RBL2: variants seen among roughly 807,000 people sequenced by gnomAD.
RBL2 encodes the protein retinoblastoma-like protein 2.
A neutral mutation model predicts 126.0 loss-of-function variants in RBL2; 56 were observed. The ratio of observed to expected loss-of-function variants is 0.44; its 90% CI spans 0.36 to 0.56. The LOEUF (loss-of-function observed/expected upper bound fraction) is 0.56, where lower values mean the gene tolerates loss of function less well. RBL2 is among the 20% of genes least tolerant of loss of function. RBL2 has a pLI of 0.00. For synonymous variants in RBL2, 454 were observed against 478.5 expected (o/e 0.95, Z 0.67); for missense variants, 1,229 against 1,398.2 (o/e 0.88, Z 1.93).
chr16:53,487,238 C>G (rs1479041038), intron 21 of RBL2, among the ~76,000 whole-genome samples: 1 of 152,102 alleles, frequency 6.6e-6, no homozygotes, highest in Non-Finnish European at 1.5e-5. Flanking sequence ...ACTCGAATAG[C>G]TAAAATAATT....
intron 4 of RBL2, among the ~76,000 whole-genome samples, chr16:53,451,340 T>TA (rs1567730468): frequency 6.6e-6 from 1 of 152,058 alleles, no homozygotes; most frequent in East Asian, 1.9e-4. Context: ...ACTCCATCTC[T>TA]AAAAAAAGTT....
At chr16:53,456,613 G>A (rs2058169859) in intron 8 of RBL2, among the ~76,000 whole-genome samples, 1 of 152,186 alleles carries the variant, frequency 6.6e-6, no homozygotes, top group Non-Finnish European at 1.5e-5. Context: ...TCTGGCCCTG[G>A]CTCTCTCTGA....
At chr16:53,454,196 T>G (rs1350568118) in intron 7 of RBL2, 2 of 453,114 alleles carry the variant, frequency 4.4e-6, no homozygotes, top group African/African-American at 4.0e-5. Context: ...TGTGATACTA[T>G]CCAGTTTTTG....
intron 4 of RBL2, 84 bp from the exon 5 acceptor site, chr16:53,451,619 T>C: frequency 6.9e-7 from 1 of 1,454,854 alleles, no homozygotes; most frequent in African/African-American, 1.4e-5. Context: ...TTTTGTAATG[T>C]CATAATAAGT....
intron 21 of RBL2, among the ~76,000 whole-genome samples, chr16:53,486,662 TATC>T (rs1371778133): frequency 2.0e-5 from 3 of 152,222 alleles, no homozygotes; most frequent in Non-Finnish European, 4.4e-5. Flanking sequence ...CATCTACAGA[TATC>T]ATACTTAATG....
Position 53,464,359 on chromosome 16 carries a change from A to G in RBL2, c.1694A>G (p.Tyr565Cys). Residue 565 changes from tyrosine to cysteine, a missense_variant, in exon 12 of 22, where the codon TAT becomes TGT. By Grantham distance (194) the Tyr-to-Cys change is radical. This residue lies in a region of RBL2 where 1,070 missense variants were observed against 1,274.3 expected (regional missense o/e 0.84). Coordinates refer to ENST00000262133, the MANE Select transcript of RBL2 (RefSeq NM_005611.4). Reference sequence around the variant, plus strand: ...TTTGATGTGCCTCTTTATCATTTTTATAAGGTATTTTTAAAAATATGATAC... The same window carrying G: ...TTTGATGTGCCTCTTTATCATTTTTGTAAGGTATTTTTAAAAATATGATAC... ...EIFDVPLYHF[Y>C]KVIEVFIRAE... The G allele has an allele frequency of 1.3e-6, 2 of 1,562,360 alleles. No homozygotes were observed. The highest frequency in any genetic ancestry group is 2.2e-5 in the East Asian group (1 of 44,472).
chr16:53,484,254 A>C (rs1961071400), intron 21 of RBL2, among the ~76,000 whole-genome samples: 1 of 152,238 alleles, frequency 6.6e-6, no homozygotes, highest in African/African-American at 2.4e-5. Context: ...ATGGAAAAAA[A>C]GAACAGAATA....
chr16:53,450,467 T>C (rs1171516204), intron 4 of RBL2, among the ~76,000 whole-genome samples: 4 of 152,298 alleles, frequency 2.6e-5, no homozygotes, highest in Non-Finnish European at 2.9e-5. Flanking sequence ...GATACAAGAA[T>C]GTAAAATCAC....
At chr16:53,461,569 A>G (rs1282738757) in intron 9 of RBL2, among the ~76,000 whole-genome samples, 172 bp from the exon 10 acceptor site, 2 of 151,962 alleles carry the variant, frequency 1.3e-5, no homozygotes. Context: ...CAAACTGGTA[A>G]TACCACCACC....
rs575590300 is a variant in RBL2 at position 53,482,896 on chromosome 16, G to C, written c.3249+1061G>C. Among the ~76,000 whole-genome samples, 21 of 152,100 alleles carry C rather than the reference G, an allele frequency of 1.4e-4. No individual in the cohort carries two copies. In the East Asian group the frequency reaches 2.7e-3, roughly 20 times the overall value. On this transcript the variant is annotated intron_variant, in intron 21 of 21. Coordinates refer to ENST00000262133, the MANE Select transcript of RBL2 (RefSeq NM_005611.4). ...TCAAAAAAAGGTCAGTATGGTAAGA[G>C]GACGGGGAAGGTATCATTGAGGAGA...
chr16:53,470,099 C>T lies in RBL2; in HGVS notation c.2159C>T (p.Thr720Ile). The T allele has an allele frequency of 1.2e-6, 2 of 1,614,168 alleles. No individual in the cohort carries two copies. Among genetic ancestry groups the T allele is most frequent in the Non-Finnish European group, 1.7e-6 (2 of 1,179,992 alleles). ...QNVSGETVSV[T>I]PVPGQTLVTM... ...GTATCTGGGGAGACTGTTTCTGTCACACCAGTTCCTGGACAGACTTTGGTC... is the reference window on the plus strand; with the variant it reads ...GTATCTGGGGAGACTGTTTCTGTCATACCAGTTCCTGGACAGACTTTGGTC... Residue 720 changes from threonine (T) to isoleucine (I), a missense_variant, in exon 15 of 22, where the codon ACA becomes ATA. Around this residue, in one of 2 missense-constraint regions of RBL2, gnomAD observed 1,070 missense variants for 1,274.3 expected, o/e 0.84. Coordinates refer to ENST00000262133, the MANE Select transcript of RBL2 (RefSeq NM_005611.4).
At chr16:53,437,377 T>C (rs2057968938) in intron 1 of RBL2, among the ~76,000 whole-genome samples, 1 of 150,122 alleles carries the variant, frequency 6.7e-6, no homozygotes, top group Non-Finnish European at 1.5e-5. Flanking sequence ...AGACAGTCTA[T>C]GTGTAAATGT....
intron 21 of RBL2, chr16:53,487,962 T>G (rs1172728322): frequency 6.6e-6 from 1 of 152,260 alleles, no homozygotes; most frequent in Non-Finnish European, 1.5e-5. Context: ...CAATTTTACA[T>G]ATTGCTGGTG....
At position 53,490,227 on chromosome 16, in the gene RBL2, G is replaced by C; in HGVS notation, c.3347G>C (p.Arg1116Thr). 1 of 1,612,774 alleles carries C rather than the reference G, an allele frequency of 6.2e-7. No homozygotes were observed. The highest frequency in any genetic ancestry group is 8.5e-7 in the Non-Finnish European group (1 of 1,179,194). The part of the protein sequence containing the change: ...LEDGSESPAK[R>T]ICPENHSALL... The stretch of plus-strand genomic sequence containing the variant: ...GATGGAAGTGAATCACCTGCAAAAA[G>C]AATTTGCCCAGAAAATCATTCTGCC... Residue 1116 changes from arginine (R) to threonine (T), a missense_variant, in exon 22 of 22, where the codon AGA becomes ACA. Arg to Thr is a moderately conservative substitution (Grantham distance 71). Coordinates refer to ENST00000262133, the MANE Select transcript of RBL2 (RefSeq NM_005611.4).
intron 7 of RBL2, chr16:53,454,312 C>A (rs747215992): frequency 2.1e-5 from 9 of 421,364 alleles, no homozygotes; most frequent in Non-Finnish European, 4.2e-5. Flanking sequence ...TCAAGCGATT[C>A]TTCTGCCTCA....
intron 8 of RBL2, 73 bp from the exon 9 acceptor site, chr16:53,459,377 TA>T (rs2058197600): frequency 7.8e-7 from 1 of 1,277,324 alleles, no homozygotes; most frequent in African/African-American, 1.5e-5. Flanking sequence ...TGAAGTGAAT[TA>T]AAGTCTTTCT....
chr16:53,453,979 C>T (rs1205417681), intron 7 of RBL2, among the ~76,000 whole-genome samples: 1 of 152,104 alleles, frequency 6.6e-6, no homozygotes, highest in African/African-American at 2.4e-5. Flanking sequence ...CTTTAAGCTT[C>T]TGGATTATAA....
At chr16:53,436,594 C>A (rs1430161384) in intron 1 of RBL2, among the ~76,000 whole-genome samples, 2 of 152,164 alleles carry the variant, frequency 1.3e-5, no homozygotes, top group African/African-American at 2.4e-5. Flanking sequence ...GGATGTCATT[C>A]TCATGGGAGT....
intron 5 of RBL2, 133 bp from the exon 6 acceptor site, chr16:53,453,319 C>A: frequency 2.9e-6 from 2 of 683,504 alleles, no homozygotes. Context: ...TGAAATAGGC[C>A]CATATATACT....
Sources: allele counts gnomAD v4.1 joint callset (sites outside exome capture counted in the v4.1 genomes callset), GRCh38; gene constraint gnomAD v4.1.1; regional missense constraint gnomAD v4.1.1; transcripts MANE v1.5; gene names NCBI Gene and HGNC (gene_info 2026-07-23, HGNC 2026-07-21).